Variants in TBXAS1 observed in about 807,000 individuals in gnomAD.
TBXAS1 encodes the protein thromboxane-A synthase.
A neutral mutation model predicts 60.7 loss-of-function variants in TBXAS1; 48 were observed. The ratio of observed to expected loss-of-function variants is 0.79; its 90% CI spans 0.63 to 1.01. The LOEUF is 1.01. Ranked by LOEUF, TBXAS1 falls within the 50% of genes least tolerant of loss-of-function variation. The pLI is 0.00. For synonymous variants in TBXAS1, 287 were observed against 269.7 expected, an observed-to-expected ratio of 1.06 and a Z score of -0.63; for missense variants, 685 against 686.3, an observed-to-expected ratio of 1.00 and a Z score of 0.02.
chr7:139,921,800 T>C (rs1806492829), intron 4 of TBXAS1, among the ~76,000 whole-genome samples: 1 of 152,216 alleles, frequency 6.6e-6, no homozygotes, highest in African/African-American at 2.4e-5. Context: ...TTTTTTGCTA[T>C]TATGAATTAG....
intron 9 of TBXAS1, among the ~76,000 whole-genome samples, chr7:139,965,734 G>A (rs1810736483): frequency 6.6e-6 from 1 of 152,134 alleles, no homozygotes; most frequent in African/African-American, 2.4e-5. Flanking sequence ...GGGAGTCTCT[G>A]AAAAATGGGA....
At chr7:139,875,037 A>G (rs1371313408) in intron 2 of TBXAS1, among the ~76,000 whole-genome samples, 1 of 152,168 alleles carries the variant, frequency 6.6e-6, no homozygotes, top group Non-Finnish European at 1.5e-5. Flanking sequence ...GGAGGTTGCA[A>G]CGAGCTGAGA....
chr7:139,910,116 C>T (rs1031276100), intron 3 of TBXAS1, among the ~76,000 whole-genome samples: 3 of 152,154 alleles, frequency 2.0e-5, no homozygotes, highest in African/African-American at 7.2e-5. Flanking sequence ...TCCAGGGTCA[C>T]TCATGCCTGC....
intron 3 of TBXAS1, among the ~76,000 whole-genome samples, chr7:139,897,133 G>C (rs1453313554): frequency 1.3e-5 from 2 of 152,116 alleles, no homozygotes; most frequent in Non-Finnish European, 2.9e-5. Flanking sequence ...AAGAAGACAA[G>C]ATGTGTTTCC....
chr7:139,904,999 CTTTCTCT>C (rs1365775085), intron 3 of TBXAS1, among the ~76,000 whole-genome samples: 1 of 97,218 alleles, frequency 1.0e-5, no homozygotes, highest in Admixed American at 9.6e-5. Context: ...CTCTTTCTCT[CTTTCTCT>C]CTTTCTTTCT....
At chr7:139,785,517 C>G (rs1797163870) in intron 3 of TBXAS1, among the ~76,000 whole-genome samples, 1 of 151,914 alleles carries the variant, frequency 6.6e-6, no homozygotes, top group South Asian at 2.1e-4. Flanking sequence ...TCACATTCTT[C>G]CATTCCTCTT....
intron 1 of TBXAS1, among the ~76,000 whole-genome samples, chr7:139,865,860 GAGGA>G (rs1183910285): frequency 1.8e-5 from 2 of 108,884 alleles, no homozygotes; most frequent in East Asian, 3.1e-4. Flanking sequence ...AGGAGGGAGG[GAGGA>G]AGGAAGGAGG....
chr7:139,865,635 A>G (rs1195244246), intron 1 of TBXAS1, among the ~76,000 whole-genome samples: 677 of 14,882 alleles, frequency 0.045, no homozygotes, highest in Non-Finnish European at 0.05. Flanking sequence ...AGGAGGAGGA[A>G]GAGGAGGAGG....
At chr7:139,957,935 G>T (rs1262570099) in intron 8 of TBXAS1, among the ~76,000 whole-genome samples, 171 bp downstream of exon 8, 1 of 152,094 alleles carries the variant, frequency 6.6e-6, no homozygotes, top group Non-Finnish European at 1.5e-5. Flanking sequence ...GAAGGTTGAG[G>T]AAGGTCAGAC....
At chr7:139,878,360 A>G (rs1412415222) in intron 3 of TBXAS1, among the ~76,000 whole-genome samples, 1 of 152,214 alleles carries the variant, frequency 6.6e-6, no homozygotes, top group African/African-American at 2.4e-5. Context: ...CATTTCAAGA[A>G]AACCTAAATC....
intron 4 of TBXAS1, among the ~76,000 whole-genome samples, chr7:139,792,591 G>A (rs1797421297): frequency 6.6e-6 from 1 of 152,210 alleles, no homozygotes; most frequent in Non-Finnish European, 1.5e-5. Flanking sequence ...GGTTATTCTT[G>A]AGGGACTGCA....
At chr7:139,984,920 G>GAA (rs1352499969) in intron 9 of TBXAS1, among the ~76,000 whole-genome samples, 1 of 90,644 alleles carries the variant, frequency 1.1e-5, no homozygotes, top group Admixed American at 1.6e-4. Context: ...AAGAAAGAAA[G>GAA]AAGGAAAGAA....
chr7:139,951,967 A>AAAG (rs1356868077), intron 5 of TBXAS1, among the ~76,000 whole-genome samples: 3 of 135,326 alleles, frequency 2.2e-5, no homozygotes, highest in Admixed American at 7.7e-5. Context: ...AGAAAGAAAG[A>AAAG]AAGAAAGAAA....
intron 1 of TBXAS1, among the ~76,000 whole-genome samples, chr7:139,865,193 G>T (rs1801262936): frequency 6.6e-6 from 1 of 152,116 alleles, no homozygotes; most frequent in South Asian, 2.1e-4. Flanking sequence ...GGTGCTAAAA[G>T]GGAAACCGAG....
chr7:140,007,503 T>G (rs571754099), intron 10 of TBXAS1, among the ~76,000 whole-genome samples: 3 of 152,350 alleles, frequency 2.0e-5, no homozygotes, highest in Non-Finnish European at 2.9e-5. Context: ...ATTCATTCGT[T>G]CATTCATTCA....
intron 9 of TBXAS1, among the ~76,000 whole-genome samples, chr7:139,988,306 T>A (rs1228499093): frequency 6.6e-6 from 1 of 152,246 alleles, no homozygotes; most frequent in Non-Finnish European, 1.5e-5. Flanking sequence ...GGCTCCAGCT[T>A]AGCCCGAGCG....
chr7:139,850,297 GCTGA>G (rs1455914435), intron 1 of TBXAS1, among the ~76,000 whole-genome samples: 3 of 152,182 alleles, frequency 2.0e-5, no homozygotes, highest in Non-Finnish European at 4.4e-5. Context: ...AAAAAGATGT[GCTGA>G]CTGAAACAAC....
rs1287847936 is a variant in TBXAS1 at position 140,004,997 on chromosome 7, T to C, written c.1135-2094T>C. Among the ~76,000 whole-genome samples, 1 of 151,958 alleles carries C rather than the reference T, an allele frequency of 6.6e-6. No individual in the cohort carries two copies. The highest frequency in any genetic ancestry group is 1.5e-5 in the Non-Finnish European group (1 of 67,992). ...TGCCTGTACCCAGGACCCTGTGAAG[T>C]GTGGACAGCAACAGTGGCCATAGGT... is the stretch of plus-strand genomic sequence containing the variant. On this transcript the variant is annotated intron_variant, in intron 9 of 12. Transcript: ENST00000448866. The surrounding 1 kb of genome is among the most constrained non-coding windows in gnomAD (Gnocchi z 5.1).
intron 1 of TBXAS1, among the ~76,000 whole-genome samples, chr7:139,842,563 G>C (rs1268977308): frequency 1.3e-5 from 2 of 152,230 alleles, no homozygotes; most frequent in African/African-American, 4.8e-5. Context: ...GCGAGAAAGG[G>C]AGGGGGCAGA....
Sources: gnomAD v4.1 joint callset for allele counts (sites outside exome capture counted in the v4.1 genomes callset) on GRCh38, gnomAD v4.1.1 for gene constraint, Gnocchi (gnomAD v3.1) non-coding constraint, MANE v1.5 for transcripts, NCBI Gene and HGNC (gene_info 2026-07-23, HGNC 2026-07-21) for gene names.